Variants in CLVS1 observed in about 807,000 individuals in gnomAD.
CLVS1 encodes the protein clavesin-1.
Under a neutral mutation model 33.1 loss-of-function variants are expected in CLVS1, and 10 were observed. The observed-to-expected ratio is 0.30, with a 90% CI of 0.19 to 0.51. The LOEUF is 0.51. Among genes scored for constraint, CLVS1 ranks in the 20% least tolerant of loss-of-function variants. The probability of loss-of-function intolerance (pLI) is 0.97; values close to 1 mark genes in which losing one functional copy is unlikely to be tolerated. For synonymous variants in CLVS1, 163 were observed against 166.1 expected, an observed-to-expected ratio of 0.98 and a Z score of 0.14; for missense variants, 343 against 433.4, an observed-to-expected ratio of 0.79 and a Z score of 1.85.
chr8:61,374,572 T>C (rs1215802583), intron 2 of CLVS1, among the ~76,000 whole-genome samples: 1 of 152,208 alleles, frequency 6.6e-6, no homozygotes, highest in Non-Finnish European at 1.5e-5. Flanking sequence ...CTTTGGATAA[T>C]TGTTTTGATG....
chr8:61,013,736 A>G, the CLVS1 span, among the ~76,000 whole-genome samples: 6 of 152,250 alleles, frequency 3.9e-5, no homozygotes, highest in Non-Finnish European at 8.8e-5. Context: ...ATGCTGGTCC[A>G]TGGATTTCCT....
chr8:61,385,291 A>G (rs189750363), intron 3 of CLVS1, among the ~76,000 whole-genome samples: 40 of 152,338 alleles, frequency 2.6e-4, no homozygotes, highest in African/African-American at 9.1e-4. Flanking sequence ...TCTCATTATT[A>G]TAAAATGAAG....
intron 2 of CLVS1, among the ~76,000 whole-genome samples, chr8:61,256,115 C>G (rs555748290): frequency 1.3e-5 from 2 of 152,256 alleles, no homozygotes; most frequent in South Asian, 4.1e-4. Flanking sequence ...ACAATAACTC[C>G]CAATTCCCCC....
intron 1 of CLVS1, among the ~76,000 whole-genome samples, chr8:61,059,822 A>T (rs1187294495): frequency 1.3e-5 from 2 of 151,822 alleles, no homozygotes; most frequent in East Asian, 3.9e-4. Flanking sequence ...AAAAAAAAAA[A>T]TAGTGAACGT....
chr8:61,087,055 C>A (rs1338012149), intron 1 of CLVS1, among the ~76,000 whole-genome samples: 1 of 152,176 alleles, frequency 6.6e-6, no homozygotes, highest in Non-Finnish European at 1.5e-5. Context: ...AGGGTGAGGA[C>A]CTTCTAGCAC....
chr8:61,097,595 A>C (rs568729383), intron 1 of CLVS1, among the ~76,000 whole-genome samples: 9 of 152,322 alleles, frequency 5.9e-5, no homozygotes, highest in Admixed American at 5.9e-4. Flanking sequence ...AGTACATGTG[A>C]AATTGTGAAG....
chr8:61,018,662 C>T, the CLVS1 span, among the ~76,000 whole-genome samples: 1 of 152,220 alleles, frequency 6.6e-6, no homozygotes, highest in Non-Finnish European at 1.5e-5. Flanking sequence ...TTTTCTGGAG[C>T]TCCAGTCTAG....
At chr8:61,408,878 C>T (rs934561104) in intron 3 of CLVS1, among the ~76,000 whole-genome samples, 6 of 152,114 alleles carry the variant, frequency 3.9e-5, no homozygotes, top group African/African-American at 1.4e-4. Flanking sequence ...GTTGGCATCT[C>T]AAAGATAGAT....
At chr8:61,468,728 A>AG (rs1817639168) in intron 5 of CLVS1, among the ~76,000 whole-genome samples, 1 of 149,792 alleles carries the variant, frequency 6.7e-6, no homozygotes, top group Admixed American at 6.6e-5. Context: ...AAAAAAAAAA[A>AG]AAAAAAAAAA....
chr8:61,073,704 G>A (rs1804843565), intron 1 of CLVS1, among the ~76,000 whole-genome samples: 1 of 151,966 alleles, frequency 6.6e-6, no homozygotes, highest in Non-Finnish European at 1.5e-5. Flanking sequence ...GTCTAATACA[G>A]TACTGTTATA....
At chr8:61,019,610 A>G in the CLVS1 span, among the ~76,000 whole-genome samples, 1 of 152,120 alleles carries the variant, frequency 6.6e-6, no homozygotes, top group Non-Finnish European at 1.5e-5. Flanking sequence ...TCACTCTCCC[A>G]TTATCATTCT....
chr8:61,200,376 C>T (rs1256421872), intron 2 of CLVS1, among the ~76,000 whole-genome samples: 1 of 152,240 alleles, frequency 6.6e-6, no homozygotes, highest in African/African-American at 2.4e-5. Context: ...CTGCTTCAGC[C>T]TCCCAGAGTG....
At chr8:61,236,365 C>T (rs2129313249) in intron 2 of CLVS1, among the ~76,000 whole-genome samples, 1 of 152,288 alleles carries the variant, frequency 6.6e-6, no homozygotes, top group African/African-American at 2.4e-5. Context: ...GCTCGTACAT[C>T]ATGGGGTCCG....
At chr8:61,300,543 TGAAAGTG>T in intron 2 of CLVS1, 2 of 352,072 alleles carry the variant, frequency 5.7e-6, no homozygotes, top group Non-Finnish European at 1.0e-5. Context: ...TTAGTAAAAT[TGAAAGTG>T]GATCTTCTAG....
intron 1 of CLVS1, among the ~76,000 whole-genome samples, chr8:61,111,806 T>C (rs1031655460): frequency 6.6e-6 from 1 of 152,144 alleles, no homozygotes; most frequent in Non-Finnish European, 1.5e-5. Flanking sequence ...TATCAAAAAG[T>C]TCATCATTTT....
the CLVS1 span, among the ~76,000 whole-genome samples, chr8:60,978,291 C>T: frequency 6.6e-6 from 1 of 152,142 alleles, no homozygotes; most frequent in Non-Finnish European, 1.5e-5. Context: ...TATGTATCTT[C>T]TTTTCTTTTC....
At chr8:60,997,025 TA>T in the CLVS1 span, among the ~76,000 whole-genome samples, 10 of 149,032 alleles carry the variant, frequency 6.7e-5, no homozygotes, top group East Asian at 3.9e-4. Flanking sequence ...ATAATGAAAT[TA>T]AAAAAAAAAG....
intron 2 of CLVS1, among the ~76,000 whole-genome samples, chr8:61,235,404 C>T (rs200101695): frequency 6.6e-6 from 1 of 152,274 alleles, no homozygotes; most frequent in East Asian, 1.9e-4. Flanking sequence ...ATGCACTTAC[C>T]TAGTACTGTG....
At chr8:61,138,653 G>A (rs1209439892) in intron 2 of CLVS1, among the ~76,000 whole-genome samples, 1 of 151,852 alleles carries the variant, frequency 6.6e-6, no homozygotes, top group Non-Finnish European at 1.5e-5. Context: ...TAGGGGTCCA[G>A]TGGGTCCCCA....
Sources: allele counts gnomAD v4.1 joint callset (sites outside exome capture counted in the v4.1 genomes callset), GRCh38; gene constraint gnomAD v4.1.1; transcripts MANE v1.5; gene names NCBI Gene and HGNC (gene_info 2026-07-23, HGNC 2026-07-21).